Variants in SHTN1 observed in about 807,000 individuals in gnomAD.
SHTN1 encodes the protein shootin 1.
SHTN1 carries 42 observed loss-of-function variants against 83.1 expected under a neutral mutation model. The ratio of observed to expected loss-of-function variants is 0.51; its 90% CI spans 0.39 to 0.65. The LOEUF is 0.65. Among genes scored for constraint, SHTN1 ranks in the 30% least tolerant of loss-of-function variants. The probability of loss-of-function intolerance (pLI) is 0.00; values close to 1 mark genes in which losing one functional copy is unlikely to be tolerated. For missense variants in SHTN1, 622 were observed against 737.8 expected (o/e 0.84, Z 1.82); for synonymous variants, 224 against 247.7 (o/e 0.90, Z 0.90).
chr10:116,895,208 C>T (rs1016526464), intron 16 of SHTN1, among the ~76,000 whole-genome samples: 2 of 152,082 alleles, frequency 1.3e-5, no homozygotes, highest in Non-Finnish European at 1.5e-5. Context: ...CCAATGATTA[C>T]GGTCAGAAAT....
chr10:116,986,871 G>A (rs1851238827), intron 1 of SHTN1, among the ~76,000 whole-genome samples: 1 of 151,782 alleles, frequency 6.6e-6, no homozygotes, highest in South Asian at 2.1e-4. Context: ...TGGGATTACA[G>A]GCGCCCGCCA....
chr10:116,959,851 A>G (rs189955801), intron 4 of SHTN1, among the ~76,000 whole-genome samples: 13 of 152,358 alleles, frequency 8.5e-5, no homozygotes, highest in Admixed American at 7.8e-4. Context: ...GTCCCCTTTA[A>G]CACTACTCTG....
At chr10:116,977,958 T>C (rs1194456458) in intron 2 of SHTN1, among the ~76,000 whole-genome samples, 3 of 152,110 alleles carry the variant, frequency 2.0e-5, no homozygotes, top group African/African-American at 7.2e-5. Flanking sequence ...TACCATATTA[T>C]AGATGCAAGC....
chr10:116,940,976 C>T (rs758267587), intron 8 of SHTN1, among the ~76,000 whole-genome samples: 5 of 152,128 alleles, frequency 3.3e-5, no homozygotes, highest in Non-Finnish European at 7.4e-5. Flanking sequence ...TACATCAATC[C>T]TATTAAAGTG....
chr10:116,907,677 C>T (rs879084261), intron 14 of SHTN1, among the ~76,000 whole-genome samples: 1 of 152,126 alleles, frequency 6.6e-6, no homozygotes, highest in Admixed American at 6.5e-5. Flanking sequence ...TTCTTAGAAA[C>T]GGTCCTTCTC....
chr10:117,038,567 G>T (rs745451219), intron 2 of SHTN1, among the ~76,000 whole-genome samples: 16 of 151,884 alleles, frequency 1.1e-4, no homozygotes, highest in Middle Eastern at 3.4e-3. Context: ...AAGACTGGAA[G>T]AAAATATTTG....
chr10:117,053,020 A>AT (rs1852771510), intron 1 of SHTN1, among the ~76,000 whole-genome samples: 1 of 126,630 alleles, frequency 7.9e-6, no homozygotes, highest in Non-Finnish European at 1.6e-5. Context: ...ACTGTGTCTC[A>AT]AAAAAAAAAA....
At position 116,982,421 on chromosome 10, in the gene SHTN1, GCACACACATA is replaced by G. The variant is rs549271458; in HGVS notation, c.59-3123_59-3114del. Among the ~76,000 whole-genome samples the G allele has an allele frequency of 1.1e-3, 166 of 152,134 alleles. 2 individuals carry two copies. Among genetic ancestry groups the G allele is most frequent in the African/African-American group, 3.9e-3 (161 of 41,536 alleles). On this transcript the variant is annotated intron_variant, in intron 1 of 16. Transcript: ENST00000355371. ...CCATAAACAACACATACACAGACATGCACACACATACACACACATATGTATCACAGTGGAC... is the reference window on the plus strand; with the variant it reads ...CCATAAACAACACATACACAGACATGCACACACATATGTATCACAGTGGAC...
intron 1 of SHTN1, among the ~76,000 whole-genome samples, chr10:117,054,050 C>A (rs1852789508): frequency 6.6e-6 from 1 of 152,130 alleles, no homozygotes; most frequent in Non-Finnish European, 1.5e-5. Context: ...AAAATTCACA[C>A]AGATAGCAGA....
Position 116,929,837 on chromosome 10 carries a change from C to T in SHTN1, c.1012+12G>A. The T allele has an allele frequency of 6.3e-7, 1 of 1,585,764 alleles. No homozygotes were observed. The highest frequency in any genetic ancestry group is 1.2e-5 in the South Asian group (1 of 86,358). ...TAATAGTAAGACATAGTAGCCTACT[C>T]AATGCTTTTACCAGAGTGCTTTAAA... On this transcript the variant is annotated intron_variant, in intron 10 of 16. Transcript: ENST00000355371.
intron 15 of SHTN1, among the ~76,000 whole-genome samples, chr10:116,903,303 C>T (rs556373685): frequency 2.6e-5 from 4 of 152,272 alleles, no homozygotes; most frequent in South Asian, 2.1e-4. Context: ...GAGGCCGAGG[C>T]AGGCGGATCG....
intron 2 of SHTN1, among the ~76,000 whole-genome samples, chr10:117,044,554 T>G (rs1852634189): frequency 6.6e-6 from 1 of 152,156 alleles, no homozygotes. Flanking sequence ...TTGAAATCTG[T>G]GTAGAGTATT....
At position 116,966,954 on chromosome 10, in the gene SHTN1, T is replaced by C. The variant is rs1267022589; in HGVS notation, c.172+1698A>G. Among the ~76,000 whole-genome samples, 4 of 152,218 alleles carry C rather than the reference T, an allele frequency of 2.6e-5. No individual in the cohort carries two copies. In the East Asian group the frequency reaches 7.7e-4, roughly 29 times the overall value. On this transcript the variant is annotated intron_variant, in intron 3 of 16. Transcript: ENST00000355371. ...TAGCACATTGGCCTCCAAAGACAGG[T>C]AATATCAATAAGATTCCCCTTGGAT...
intron 1 of SHTN1, among the ~76,000 whole-genome samples, chr10:117,103,419 CAG>C (rs1410251515): frequency 6.6e-6 from 1 of 151,508 alleles, no homozygotes; most frequent in African/African-American, 2.4e-5. Context: ...CTGACAGAAA[CAG>C]AATGTAACAT....
chr10:117,086,446 A>C (rs759927264), intron 1 of SHTN1, among the ~76,000 whole-genome samples: 1 of 152,180 alleles, frequency 6.6e-6, no homozygotes, highest in Non-Finnish European at 1.5e-5. Flanking sequence ...CATTTTAATT[A>C]ATTATGAATA....
chr10:116,986,497 GC>G (rs1334741638), intron 1 of SHTN1, among the ~76,000 whole-genome samples: 3 of 151,982 alleles, frequency 2.0e-5, no homozygotes, highest in African/African-American at 7.2e-5. Flanking sequence ...CCTTAGAGGG[GC>G]CCCTAAACTT....
At chr10:117,077,223 G>A (rs1853172286) in intron 1 of SHTN1, among the ~76,000 whole-genome samples, 1 of 152,194 alleles carries the variant, frequency 6.6e-6, no homozygotes, top group Non-Finnish European at 1.5e-5. Flanking sequence ...CAGCTGATCA[G>A]GAGGAGGTAT....
chr10:116,921,636 G>T (rs774820788), intron 11 of SHTN1, 120 bp from the exon 12 acceptor site: 7 of 618,068 alleles, frequency 1.1e-5, no homozygotes, highest in African/African-American at 9.3e-5. Flanking sequence ...AGTAGTCTAC[G>T]TTCCATTTTT....
chr10:117,005,912 G>A (rs1333554092), upstream of SHTN1, among the ~76,000 whole-genome samples: 1 of 152,198 alleles, frequency 6.6e-6, no homozygotes, highest in Non-Finnish European at 1.5e-5. Context: ...ACTGCAGTCC[G>A]AATGCCGAAG....
Sources: gnomAD v4.1 joint callset for allele counts (sites outside exome capture counted in the v4.1 genomes callset) on GRCh38, gnomAD v4.1.1 for gene constraint, MANE v1.5 for transcripts, NCBI Gene and HGNC (gene_info 2026-07-23, HGNC 2026-07-21) for gene names.